Variants in ADCY5 observed in about 807,000 individuals in gnomAD.
The protein encoded by ADCY5 is adenylate cyclase 5.
ADCY5 carries 30 observed loss-of-function variants against 119.7 expected under a neutral mutation model. The observed-to-expected ratio is 0.25, with a 90% confidence interval of 0.19 to 0.34. The LOEUF is 0.34. ADCY5 is among the 10% of genes least tolerant of loss of function. The pLI is 1.00. For synonymous variants in ADCY5, 753 were observed against 762.2 expected, an observed-to-expected ratio of 0.99 and a Z score of 0.20; for missense variants, 1,324 against 1,775.2, an observed-to-expected ratio of 0.75 and a Z score of 4.57.
At chr3:123,416,183 C>T in intron 1 of ADCY5, 1 of 1,536,064 alleles carries the variant, frequency 6.5e-7, no homozygotes. Context: ...ATGACACTCA[C>T]CCTCCGTGGG....
Position 123,448,333 on chromosome 3 carries a change from G to T in ADCY5, c.213C>A (p.Ser71Arg). The change falls in exon 1 of 21, where the codon AGC (serine) becomes AGA (arginine). Residue 71 changes from serine (S) to arginine (R), a missense_variant. Ser to Arg is a moderately radical substitution (Grantham distance 110, BLOSUM62 -1). This residue lies in a region of ADCY5 where 585 missense variants were observed against 569.9 expected (regional missense o/e 1.03). Coordinates refer to ENST00000462833, the MANE Select transcript of ADCY5 (RefSeq NM_183357.3). ...CGTCGTCGTCGTCGCTGCGCCAGCG[G>T]CTGGCCAGGCGCTGCTGCTGCTGCG... ...VTPQQQQRLA[S>R]RWRSDDDDDP... 2 of 1,532,150 alleles carry T rather than the reference G, an allele frequency of 1.3e-6. No individual in the cohort carries two copies. Among genetic ancestry groups the T allele is most frequent in the Non-Finnish European group, 1.7e-6 (2 of 1,150,356 alleles). The allele number at this position is 1,532,150 out of a possible 1,614,324, so 94.9% of individuals were successfully genotyped here.
chr3:123,436,876 C>T (rs373010540), intron 1 of ADCY5, among the ~76,000 whole-genome samples: 2 of 152,180 alleles, frequency 1.3e-5, no homozygotes, highest in African/African-American at 4.8e-5. Flanking sequence ...GAGGTCTGCA[C>T]TTCATATGCA....
chr3:123,394,691 G>A (rs1944493800), intron 1 of ADCY5, among the ~76,000 whole-genome samples: 5 of 152,184 alleles, frequency 3.3e-5, no homozygotes, highest in Admixed American at 3.3e-4. Flanking sequence ...CAGAAAATGA[G>A]TTCTTAAAGT....
chr3:123,354,229 G>T (rs1670314062), intron 1 of ADCY5, among the ~76,000 whole-genome samples: 1 of 152,192 alleles, frequency 6.6e-6, no homozygotes, highest in African/African-American at 2.4e-5. Context: ...TGGAATGTTT[G>T]TGTCCCCCAA....
chr3:123,284,417 G>A lies in ADCY5; in HGVS notation c.*191C>T. ...TCAGCTGGGTGCTCGCAGGACGCTG[G>A]CACCCCGGGGCCTGGGACAGAGGCC... On this transcript the variant is annotated 3_prime_UTR_variant, in exon 21 of 21. Transcript: ENST00000462833. The A allele has an allele frequency of 2.4e-6, 2 of 824,794 alleles. No individual in the cohort carries two copies. Among genetic ancestry groups the A allele is most frequent in the Non-Finnish European group, 3.7e-6 (2 of 544,690 alleles). 51.1% of individuals were successfully genotyped at this position (824,794 alleles called of 1,614,324 possible).
chr3:123,368,167 A>G (rs905523386), intron 1 of ADCY5: 11 of 772,106 alleles, frequency 1.4e-5, no homozygotes, highest in East Asian at 8.5e-5. Flanking sequence ...GAATGCGCTC[A>G]TCTCTATAAT....
rs1214710441 is a variant in ADCY5 at position 123,423,808 on chromosome 3, C to T, written c.1134+23604G>A. On this transcript the variant is annotated intron_variant, in intron 1 of 20. Transcript: ENST00000462833. ...AGGAAAGAAGGGCAGGGGAGGGTGG[C>T]CAGCTCAGTGGGAGAGCATAGGTGG... Among the ~76,000 whole-genome samples the T allele has an allele frequency of 2.0e-5, 3 of 152,150 alleles. No homozygotes were observed. The East Asian group carries it at 5.8e-4, about 29-fold the overall frequency.
chr3:123,347,444 G>A (rs1478980065), intron 3 of ADCY5, among the ~76,000 whole-genome samples: 1 of 152,162 alleles, frequency 6.6e-6, no homozygotes, highest in Non-Finnish European at 1.5e-5. Context: ...GGTGACATTC[G>A]GGTCCCAGTC....
chr3:123,284,574 G>T lies in ADCY5; in HGVS notation c.*34C>A, dbSNP rs368624949. The T allele has an allele frequency of 1.2e-6, 2 of 1,613,124 alleles. No homozygotes were observed. The highest frequency in any genetic ancestry group is 1.7e-6 in the Non-Finnish European group (2 of 1,179,242). ...GAGAAGCTGCTTCCATGCCTCTGGA[G>T]GCCAGGCTGCCTGGCACCATTGGCC... On this transcript the variant is annotated 3_prime_UTR_variant, in exon 21 of 21. Transcript: ENST00000462833.
At chr3:123,287,025 G>A (rs1446225100) in intron 19 of ADCY5, 3 of 551,094 alleles carry the variant, frequency 5.4e-6, no homozygotes, top group South Asian at 3.1e-5. Context: ...CTGTGTCCTC[G>A]ACACCCCTCA....
Position 123,343,556 on chromosome 3 carries a change from C to T in ADCY5, c.1406+4226G>A, listed in dbSNP as rs559868369. ...TGATGCCGAGGTCTGTTTGCATCTACCTTTGCTGTGACCCACGTGGTATGG... is the reference window on the plus strand; with the variant it reads ...TGATGCCGAGGTCTGTTTGCATCTATCTTTGCTGTGACCCACGTGGTATGG... On this transcript the variant is annotated intron_variant, in intron 3 of 20. Coordinates refer to ENST00000462833, the MANE Select transcript of ADCY5 (RefSeq NM_183357.3). Among the ~76,000 whole-genome samples, 307 of 152,294 alleles carry T rather than the reference C, an allele frequency of 2.0e-3. 1 individual carries two copies. The highest frequency in any genetic ancestry group is 7.2e-3 in the African/African-American group (300 of 41,570).
intron 12 of ADCY5, among the ~76,000 whole-genome samples, chr3:123,305,221 G>C (rs1202477389): frequency 6.6e-6 from 1 of 152,164 alleles, no homozygotes; most frequent in Non-Finnish European, 1.5e-5. Flanking sequence ...AGTGAAGCAG[G>C]CAAAGGTCTC....
Position 123,293,540 on chromosome 3 carries a change from C to CACACACACACTCTTGTGCATGTGTGT in ADCY5, c.3064-2190_3064-2165dup, listed in dbSNP as rs1939300970. 2.6e-5 allele frequency among the ~76,000 whole-genome samples: 4 copies of CACACACACACTCTTGTGCATGTGTGT among 151,580 alleles called. No homozygotes were observed. The South Asian group carries it at 8.4e-4, about 32-fold the overall frequency. ...ACACATTCCTACACACACGCACATG[C>CACACACACACTCTTGTGCATGTGTGT]ACACACACACTCTTGTGCATGTGTG... On this transcript the variant is annotated intron_variant, in intron 17 of 20. Transcript: ENST00000462833.
At chr3:123,402,944 T>C (rs1944810800) in intron 1 of ADCY5, among the ~76,000 whole-genome samples, 2 of 151,894 alleles carry the variant, frequency 1.3e-5, no homozygotes, top group Admixed American at 1.3e-4. Context: ...ATTATATAAT[T>C]AGAGATTGGT....
intron 8 of ADCY5, among the ~76,000 whole-genome samples, chr3:123,322,323 G>A (rs1371838171): frequency 6.6e-6 from 1 of 152,198 alleles, no homozygotes; most frequent in Non-Finnish European, 1.5e-5. Flanking sequence ...GAAATGTTGT[G>A]AATAAGCCTG....
chr3:123,328,832 G>C, intron 5 of ADCY5, 30 bp from the exon 6 acceptor site: 2 of 1,607,794 alleles, frequency 1.2e-6, no homozygotes, highest in South Asian at 1.1e-5. Flanking sequence ...AAAGCTGGGA[G>C]AAGGCTGGAG....
chr3:123,333,319 A>C (rs771267858), intron 3 of ADCY5, among the ~76,000 whole-genome samples: 1 of 152,182 alleles, frequency 6.6e-6, no homozygotes. Context: ...TGAGAAATAC[A>C]CTGCTGTTGT....
At chr3:123,440,467 C>A (rs1050203636) in intron 1 of ADCY5, among the ~76,000 whole-genome samples, 1 of 151,728 alleles carries the variant, frequency 6.6e-6, no homozygotes, top group Non-Finnish European at 1.5e-5. Context: ...AACCACCCCC[C>A]CTTTCTCTTG....
chr3:123,376,120 C>T (rs1043784439), intron 1 of ADCY5, among the ~76,000 whole-genome samples: 15 of 151,920 alleles, frequency 9.9e-5, no homozygotes, highest in African/African-American at 2.7e-4. Flanking sequence ...CCTGTTTCAG[C>T]GGGATTGTGA....
Sources: allele counts gnomAD v4.1 joint callset (sites outside exome capture counted in the v4.1 genomes callset), GRCh38; gene constraint gnomAD v4.1.1; regional missense constraint gnomAD v4.1.1; transcripts MANE v1.5; gene names NCBI Gene and HGNC (gene_info 2026-07-23, HGNC 2026-07-21).